The following GRIP1 variants were observed in gnomAD, a reference collection of about 807,000 sequenced individuals.
The protein encoded by GRIP1 is glutamate receptor-interacting protein 1.
In GRIP1, 45 loss-of-function variants were observed where a neutral mutation model predicts 129.9. The ratio of observed to expected loss-of-function variants is 0.35; its 90% CI spans 0.27 to 0.44. The LOEUF (loss-of-function observed/expected upper bound fraction) is 0.44, where lower values mean the gene tolerates loss of function less well. Ranked by LOEUF, GRIP1 falls within the 20% of genes least tolerant of loss-of-function variation. GRIP1 has a pLI of 1.00. For synonymous variants in GRIP1, 530 were observed against 520.8 expected (o/e 1.02, Z -0.24); for missense variants, 1,196 against 1,396.8 (o/e 0.86, Z 2.29).
rs910592712 is a variant in GRIP1 at position 66,394,424 on chromosome 12, AC to A, written c.1985-73del. 122 of 1,251,440 alleles carry A rather than the reference AC, an allele frequency of 9.7e-5. No individual in the cohort carries two copies. In the African/African-American group the frequency reaches 1.6e-3, roughly 17 times the overall value. 77.5% of individuals were successfully genotyped at this position (1,251,440 alleles called of 1,614,324 possible). ...AAAAGAGTAAGATGCATAGATTCAT[AC>A]ATAAAAGAATTCAAAACATCCTCGT... On this transcript the variant is annotated intron_variant, in intron 16 of 24. Coordinates refer to ENST00000359742, the MANE Select transcript of GRIP1 (RefSeq NM_001366722.1).
chr12:66,369,149 AT>A (rs1229497334), intron 23 of GRIP1, among the ~76,000 whole-genome samples: 1 of 152,180 alleles, frequency 6.6e-6, no homozygotes, highest in Non-Finnish European at 1.5e-5. Context: ...TATTGTCACC[AT>A]TTAGAGAAAA....
intron 1 of GRIP1, among the ~76,000 whole-genome samples, chr12:66,880,786 T>G (rs762322512): frequency 1.3e-5 from 2 of 152,120 alleles, no homozygotes; most frequent in Admixed American, 1.3e-4. Flanking sequence ...CTGAACTGAT[T>G]AACCGACCTG....
At chr12:67,066,946 T>G (rs1451300488) in intron 1 of GRIP1, among the ~76,000 whole-genome samples, 1 of 143,564 alleles carries the variant, frequency 7.0e-6, no homozygotes, top group Non-Finnish European at 1.5e-5. Flanking sequence ...AAACACCAGT[T>G]AGACAGGAAA....
At chr12:66,722,728 T>C (rs1045476673) in intron 1 of GRIP1, among the ~76,000 whole-genome samples, 4 of 152,118 alleles carry the variant, frequency 2.6e-5, no homozygotes, top group African/African-American at 9.7e-5. Context: ...GAAAAGACAA[T>C]CAAAATACAG....
chr12:66,446,552 C>A (rs1482942091), intron 11 of GRIP1, among the ~76,000 whole-genome samples: 2 of 152,166 alleles, frequency 1.3e-5, no homozygotes, highest in Non-Finnish European at 2.9e-5. Context: ...GATTCAACTA[C>A]TCCTATTTAA....
At chr12:66,454,654 A>G (rs551880078) in intron 11 of GRIP1, among the ~76,000 whole-genome samples, 9 of 152,306 alleles carry the variant, frequency 5.9e-5, no homozygotes, top group African/African-American at 1.9e-4. Flanking sequence ...GTAGCCAACT[A>G]TATCTTCCTA....
intron 1 of GRIP1, among the ~76,000 whole-genome samples, chr12:66,656,597 G>A (rs1418851488): frequency 6.6e-6 from 1 of 152,028 alleles, no homozygotes; most frequent in Non-Finnish European, 1.5e-5. Flanking sequence ...TAGCTTCTAA[G>A]AAAGAGGGAA....
At chr12:66,526,601 T>G (rs1333433525) in intron 5 of GRIP1, among the ~76,000 whole-genome samples, 3 of 152,084 alleles carry the variant, frequency 2.0e-5, no homozygotes, top group Admixed American at 1.3e-4. Context: ...GGCAATATCA[T>G]TCAGGACATA....
At chr12:66,856,220 G>C in intron 1 of GRIP1, among the ~76,000 whole-genome samples, 1 of 151,958 alleles carries the variant, frequency 6.6e-6, no homozygotes, top group South Asian at 2.1e-4. Flanking sequence ...CAAAAATTAA[G>C]TCAAGATGGA....
In GRIP1 at chr12:66,702,887, T is replaced by C. The variant is rs1347587093; in HGVS notation, c.-419-72551A>G. On this transcript the variant is annotated intron_variant, in intron 1 of 4. Transcript: ENST00000538373. ...TGGGAAATATTATTTTAGACAATAC[T>C]TGTTAATTTTAAATAGTTTTAAAGA... 1.3e-5 allele frequency among the ~76,000 whole-genome samples: 2 copies of C among 152,198 alleles called. 1 individual carries two copies. Among genetic ancestry groups the C allele is most frequent in the Non-Finnish European group, 2.9e-5 (2 of 68,040 alleles).
At chr12:66,501,342 C>T (rs941218516) in intron 7 of GRIP1, among the ~76,000 whole-genome samples, 2 of 152,172 alleles carry the variant, frequency 1.3e-5, no homozygotes, top group African/African-American at 4.8e-5. Context: ...AAAATTACGT[C>T]ACGCCTGGTG....
chr12:66,865,483 T>C (rs1396350299), intron 1 of GRIP1, among the ~76,000 whole-genome samples: 1 of 152,072 alleles, frequency 6.6e-6, no homozygotes, highest in East Asian at 1.9e-4. Flanking sequence ...TTTTTTTTTT[T>C]TGCATGGATA....
At chr12:66,797,419 C>T (rs2038731605) in intron 1 of GRIP1, among the ~76,000 whole-genome samples, 1 of 152,156 alleles carries the variant, frequency 6.6e-6, no homozygotes, top group Non-Finnish European at 1.5e-5. Context: ...ATTCCTCTCT[C>T]TCTGGGGTCT....
At chr12:66,785,343 C>CATACATACAT (rs377630345) in intron 1 of GRIP1, among the ~76,000 whole-genome samples, 776 of 72,760 alleles carry the variant, frequency 0.011, 26 homozygotes, top group African/African-American at 0.036. Flanking sequence ...TACATACATA[C>CATACATACAT]ATATATATAT....
chr12:66,579,591 C>A (rs766841638), intron 2 of GRIP1, among the ~76,000 whole-genome samples: 2 of 152,048 alleles, frequency 1.3e-5, no homozygotes, highest in Non-Finnish European at 2.9e-5. Context: ...AGCCAAGGCT[C>A]GAGAACTACG....
chr12:66,583,262 T>C (rs2063477330), intron 2 of GRIP1, among the ~76,000 whole-genome samples: 1 of 150,680 alleles, frequency 6.6e-6, no homozygotes, highest in Non-Finnish European at 1.5e-5. Context: ...TAATTCAAGA[T>C]GGATTAAAGA....
Position 66,967,965 on chromosome 12 carries a change from T to C in GRIP1, c.58+101085A>G, listed in dbSNP as rs1439288155. The stretch of plus-strand genomic sequence containing the variant: ...TCAATTAGATCAAGCTGACTGATAA[T>C]GCTATTCAAGTCAACTACGTCCTTA... On this transcript the variant is annotated intron_variant, in intron 1 of 1. Coordinates refer to the GRIP1 transcript ENST00000643019. 2.6e-5 allele frequency among the ~76,000 whole-genome samples: 4 copies of C among 152,188 alleles called. No individual in the cohort carries two copies. In the East Asian group the frequency reaches 7.7e-4, roughly 29 times the overall value.
chr12:66,976,845 A>T (rs1319504830), intron 1 of GRIP1, among the ~76,000 whole-genome samples: 2 of 151,864 alleles, frequency 1.3e-5, no homozygotes, highest in East Asian at 1.9e-4. Context: ...ACTCTTCCAA[A>T]CTCTTCTTTA....
chr12:66,822,131 T>C (rs1439662874), intron 1 of GRIP1, among the ~76,000 whole-genome samples: 2 of 152,210 alleles, frequency 1.3e-5, no homozygotes, highest in Non-Finnish European at 2.9e-5. Context: ...AAGAGCTGAC[T>C]GTGAGAAGCT....
Sources: allele counts gnomAD v4.1 joint callset (sites outside exome capture counted in the v4.1 genomes callset), GRCh38; gene constraint gnomAD v4.1.1; transcripts MANE v1.5; gene names NCBI Gene and HGNC (gene_info 2026-07-23, HGNC 2026-07-21).